BUB1B: variants seen among roughly 807,000 people sequenced by gnomAD.
BUB1B encodes the protein mitotic checkpoint serine/threonine-protein kinase BUB1 beta.
BUB1B carries 86 observed loss-of-function variants against 137.7 expected under a neutral mutation model. The observed-to-expected ratio is 0.62, with a 90% CI of 0.52 to 0.75. The LOEUF is 0.75. Ranked by LOEUF, BUB1B falls within the 30% of genes least tolerant of loss-of-function variation. BUB1B has a pLI of 0.00. For missense variants in BUB1B, 1,130 were observed against 1,236.9 expected (o/e 0.91, Z 1.30); for synonymous variants, 420 against 417.9 (o/e 1.00, Z -0.06).
chr15:40,170,269 C>A, intron 3 of BUB1B, 148 bp downstream of exon 3: 2 of 822,456 alleles, frequency 2.4e-6, no homozygotes, highest in Non-Finnish European at 2.0e-6. Context: ...CATAATATAT[C>A]TTCCTGAGGT....
At chr15:40,206,896 G>A (rs1450078893) in intron 15 of BUB1B, among the ~76,000 whole-genome samples, 11 of 152,108 alleles carry the variant, frequency 7.2e-5, no homozygotes, top group South Asian at 4.2e-4. Context: ...TGAAACCTCC[G>A]TCTCCCGGGT....
At position 40,185,622 on chromosome 15, in the gene BUB1B, GAC is replaced by G. The variant is rs1566820460; in HGVS notation, c.1039_1040del (p.Thr347CysfsTer10). 1.2e-6 allele frequency: 2 copies of G among 1,614,040 alleles called. No homozygotes were observed. Among genetic ancestry groups the G allele is most frequent in the South Asian group, 2.2e-5 (2 of 91,078 alleles). ...CCAGTTTCACTCCATATGTGGAAGA[GAC>G]TGCACGACAGCCAGTTATGTGAGTG... ...LPSFTPYVEE[T>X]ARQPVMTPCK... is the part of the protein sequence containing the mutation. On this transcript the variant is annotated frameshift_variant, in exon 8 of 23. Coordinates refer to ENST00000287598, the MANE Select transcript of BUB1B (RefSeq NM_001211.6). LOFTEE classifies it high-confidence loss of function.
In BUB1B at chr15:40,170,590, T is replaced by G; in HGVS notation, c.293T>G (p.Met98Arg). 1 of 1,613,148 alleles carries G rather than the reference T, an allele frequency of 6.2e-7. No homozygotes were observed. Among genetic ancestry groups the G allele is most frequent in the Non-Finnish European group, 8.5e-7 (1 of 1,179,134 alleles). Residue 98 changes from methionine (M) to arginine (R), a missense_variant, in exon 4 of 23, where the codon ATG becomes AGG. Coordinates refer to ENST00000287598, the MANE Select transcript of BUB1B (RefSeq NM_001211.6). ...CCTCAAGGTGGGAAGGAGAGTAATA[T>G]GTCAACGTTATTAGAAAGAGCTGTA... ...NYPQGGKESN[M>R]STLLERAVEA... is the part of the protein sequence containing the mutation.
chr15:40,196,112 A>C (rs2037494407), intron 8 of BUB1B, among the ~76,000 whole-genome samples: 1 of 152,182 alleles, frequency 6.6e-6, no homozygotes, highest in Non-Finnish European at 1.5e-5. Context: ...TTATGGTTTC[A>C]GATCTTAGAT....
At position 40,199,527 on chromosome 15, in the gene BUB1B, T is replaced by C. The variant is rs2037538013; in HGVS notation, c.1289-88T>C. 2.3e-5 allele frequency: 21 copies of C among 916,522 alleles called. 2 individuals carry two copies. The South Asian group carries it at 2.3e-4, about 10-fold the overall frequency. 56.8% of individuals were successfully genotyped at this position (916,522 alleles called of 1,614,324 possible). A position where few individuals can be genotyped will look rare whatever the true frequency, so the allele number is the denominator to read the frequency against. On this transcript the variant is annotated intron_variant, in intron 9 of 22. Coordinates refer to ENST00000287598, the MANE Select transcript of BUB1B (RefSeq NM_001211.6). ...CATTTTCATCTGTATTAGTAACATA[T>C]ATGTTGAGGAGATGAGCTCCAAAGG...
intron 15 of BUB1B, among the ~76,000 whole-genome samples, chr15:40,207,687 C>T (rs1391597030): frequency 6.6e-6 from 1 of 151,968 alleles, no homozygotes; most frequent in Non-Finnish European, 1.5e-5. Context: ...ATGGCTTATT[C>T]ACCAGGTTTA....
intron 15 of BUB1B, among the ~76,000 whole-genome samples, chr15:40,208,383 C>T (rs1316706523): frequency 6.6e-6 from 1 of 151,796 alleles, no homozygotes. Context: ...ACTAAAAATA[C>T]AAAAATCAGC....
chr15:40,218,811 A>G (rs982118252), intron 22 of BUB1B, among the ~76,000 whole-genome samples: 2 of 152,242 alleles, frequency 1.3e-5, no homozygotes, highest in African/African-American at 4.8e-5. Context: ...CTTCCAGACT[A>G]CAGCTATAGT....
chr15:40,172,180 C>T (rs779471100), intron 4 of BUB1B, among the ~76,000 whole-genome samples: 4 of 151,246 alleles, frequency 2.6e-5, no homozygotes, highest in Non-Finnish European at 4.4e-5. Context: ...AAATAAATTT[C>T]TTACTAAAAT....
chr15:40,218,412 A>T (rs990108235), intron 21 of BUB1B, 44 bp from the exon 22 acceptor site: 3 of 1,389,302 alleles, frequency 2.2e-6, no homozygotes, highest in African/African-American at 2.8e-5. Flanking sequence ...GCCATGGTAG[A>T]GGCAGAGAAT....
At chr15:40,187,255 A>G (rs770750591) in intron 8 of BUB1B, among the ~76,000 whole-genome samples, 2 of 151,816 alleles carry the variant, frequency 1.3e-5, no homozygotes, top group Non-Finnish European at 2.9e-5. Context: ...CCTCCTGAGT[A>G]TCTGGGACTA....
intron 8 of BUB1B, among the ~76,000 whole-genome samples, chr15:40,195,470 T>G (rs915547949): frequency 6.6e-6 from 1 of 152,218 alleles, no homozygotes; most frequent in Non-Finnish European, 1.5e-5. Context: ...TTTCATATAA[T>G]GACTTCTTTT....
At chr15:40,201,827 C>T (rs922880711) in intron 12 of BUB1B, among the ~76,000 whole-genome samples, 4 of 151,914 alleles carry the variant, frequency 2.6e-5, no homozygotes, top group Admixed American at 1.3e-4. Flanking sequence ...CCACCACGCC[C>T]GGCTAATTTT....
intron 5 of BUB1B, among the ~76,000 whole-genome samples, chr15:40,182,579 A>G (rs888335942): frequency 1.3e-5 from 2 of 152,266 alleles, no homozygotes; most frequent in Admixed American, 1.3e-4. Context: ...GCAGTGGTTT[A>G]TATCATTGTT....
At chr15:40,165,589 T>A (rs2037086584) in intron 2 of BUB1B, among the ~76,000 whole-genome samples, 1 of 152,204 alleles carries the variant, frequency 6.6e-6, no homozygotes. Flanking sequence ...TCAGAACAAT[T>A]GAATTTATAC....
intron 4 of BUB1B, among the ~76,000 whole-genome samples, chr15:40,174,553 A>G (rs2037202792): frequency 6.6e-6 from 1 of 152,254 alleles, no homozygotes; most frequent in African/African-American, 2.4e-5. Context: ...CTATAGGAAC[A>G]AATACAAGAC....
intron 1 of BUB1B, among the ~76,000 whole-genome samples, chr15:40,162,744 G>A (rs2037054849): frequency 6.6e-6 from 1 of 152,054 alleles, no homozygotes; most frequent in Non-Finnish European, 1.5e-5. Context: ...AGGAAGTGGG[G>A]GCAGTCTTAG....
intron 1 of BUB1B, among the ~76,000 whole-genome samples, chr15:40,163,389 C>T (rs2037060744): frequency 6.6e-6 from 1 of 152,198 alleles, no homozygotes; most frequent in South Asian, 2.1e-4. Flanking sequence ...GCCTGGGCAA[C>T]ATAGTAAGGC....
Position 40,191,637 on chromosome 15 carries a change from G to A in BUB1B, c.1059-4908G>A, listed in dbSNP as rs947325603. ...TATTTAGGTCTGTGATCCATTCTTA[G>A]CTAATTTTTGTGTATGGTATAAGGA... On this transcript the variant is annotated intron_variant, in intron 8 of 22. Transcript: ENST00000287598. 7.2e-5 allele frequency among the ~76,000 whole-genome samples: 11 copies of A among 152,212 alleles called. No individual in the cohort carries two copies. The East Asian group carries it at 2.1e-3, about 29-fold the overall frequency.
Sources: gnomAD v4.1 joint callset for allele counts (sites outside exome capture counted in the v4.1 genomes callset) on GRCh38, gnomAD v4.1.1 for gene constraint, MANE v1.5 for transcripts, NCBI Gene and HGNC (gene_info 2026-07-23, HGNC 2026-07-21) for gene names.